The following PDLIM7 variants were observed in gnomAD, a reference collection of about 807,000 sequenced individuals.
PDLIM7 encodes the protein PDZ and LIM domain protein 7.
PDLIM7 carries 37 observed loss-of-function variants against 53.9 expected under a neutral mutation model. The observed-to-expected ratio is 0.69, with a 90% CI of 0.53 to 0.90. The LOEUF (loss-of-function observed/expected upper bound fraction) is 0.90. Ranked by LOEUF, PDLIM7 falls within the 40% of genes least tolerant of loss-of-function variation. The pLI, the probability that PDLIM7 is intolerant of heterozygous loss-of-function variation, is 0.00. For synonymous variants in PDLIM7, 300 were observed against 261.3 expected, an observed-to-expected ratio of 1.15 and a Z score of -1.43; for missense variants, 617 against 638.5, an observed-to-expected ratio of 0.97 and a Z score of 0.36.
intron 4 of PDLIM7, 188 bp from the exon 5 acceptor site, chr5:177,492,113 A>C (rs2127413908): frequency 2.2e-6 from 1 of 454,630 alleles, no homozygotes; most frequent in African/African-American, 2.2e-5. Flanking sequence ...GGGAGTGGCG[A>C]TCTCAGTCCA....
chr5:177,497,294 G>A (rs1759139680), intron 1 of PDLIM7, among the ~76,000 whole-genome samples: 1 of 152,036 alleles, frequency 6.6e-6, no homozygotes, highest in South Asian at 2.1e-4. Flanking sequence ...TTAGTCCCCC[G>A]CCCGGGCCCC....
rs369079151 is a variant in PDLIM7, at chr5:177,489,546, G to C, written c.716C>G (p.Thr239Arg). 3 of 1,610,700 alleles carry C rather than the reference G, an allele frequency of 1.9e-6. No individual in the cohort carries two copies. Among genetic ancestry groups the C allele is most frequent in the East Asian group, 4.5e-5 (2 of 44,800 alleles). ...AFAERYAPDK[T>R]STVLTRHSQP... is the part of the protein sequence containing the mutation. Reference sequence around the variant, plus strand: ...GCTGTGCCGGGTCAGCACTGTGCTCGTTTTGTCCGGGGCATAGCGCTCGGC... The same window carrying C: ...GCTGTGCCGGGTCAGCACTGTGCTCCTTTTGTCCGGGGCATAGCGCTCGGC... Residue 239 changes from threonine to arginine, a missense_variant, in exon 9 of 13, where the codon ACG (threonine) becomes AGG (arginine). By Grantham distance (71) the Thr-to-Arg change is moderately conservative. Transcript: ENST00000355841.
rs1164723453 is a variant in PDLIM7 at position 177,490,862 on chromosome 5, C to A, written c.572+8G>T. On this transcript the variant is annotated splice_region_variant and intron_variant, in intron 7 of 12. Transcript: ENST00000355841. ...AGGTGGGAGAGGGGCTGGTGCCCGT[C>A]CCTGTACCTTGATTTCTTCAGGTGC... is the stretch of plus-strand genomic sequence containing the variant. 1.2e-6 allele frequency: 2 copies of A among 1,613,900 alleles called. No individual in the cohort carries two copies. Among genetic ancestry groups the A allele is most frequent in the African/African-American group, 2.7e-5 (2 of 74,984 alleles).
chr5:177,486,764 G>A (rs531025261), intron 10 of PDLIM7, among the ~76,000 whole-genome samples: 24 of 149,248 alleles, frequency 1.6e-4, no homozygotes, highest in East Asian at 1.6e-3. Flanking sequence ...TCAGCCTCCC[G>A]AGTAGCTGGG....
At chr5:177,489,941 C>T in intron 7 of PDLIM7, 109 bp from the exon 8 acceptor site, 1 of 1,537,728 alleles carries the variant, frequency 6.5e-7, no homozygotes, top group Non-Finnish European at 8.7e-7. Context: ...GGCGTGGAAA[C>T]TGCCGAGTTG....
intron 10 of PDLIM7, among the ~76,000 whole-genome samples, chr5:177,485,524 G>C (rs1276077430): frequency 2.0e-5 from 3 of 152,238 alleles, no homozygotes; most frequent in Non-Finnish European, 4.4e-5. Context: ...CCAGCCTTGT[G>C]AGGCTGTTAT....
Position 177,489,760 on chromosome 5 carries a change from C to A in PDLIM7, c.634+11G>T. 2 of 1,537,330 alleles carry A rather than the reference C, an allele frequency of 1.3e-6. No individual in the cohort carries two copies. The highest frequency in any genetic ancestry group is 8.8e-7 in the Non-Finnish European group (1 of 1,140,298). ...CCACCCTTGCCCAGGCCCGAGCCCA[C>A]TCCCTCTCACCAGGCCAGGGCTCCT... On this transcript the variant is annotated intron_variant, in intron 8 of 12. Coordinates refer to ENST00000355841, the MANE Select transcript of PDLIM7 (RefSeq NM_005451.5).
At chr5:177,493,648 G>A (rs909913687) in intron 2 of PDLIM7, among the ~76,000 whole-genome samples, 1 of 152,240 alleles carries the variant, frequency 6.6e-6, no homozygotes, top group African/African-American at 2.4e-5. Context: ...CCCAGGCCCT[G>A]AGAGGGTGAC....
intron 7 of PDLIM7, chr5:177,490,121 C>G: frequency 6.6e-7 from 1 of 1,507,980 alleles, no homozygotes; most frequent in Non-Finnish European, 8.9e-7. Flanking sequence ...GGGCAGGGCC[C>G]CTTTGCCAGG....
intron 5 of PDLIM7, chr5:177,491,529 GTGTC>G: frequency 1.1e-6 from 1 of 905,834 alleles, no homozygotes; most frequent in Non-Finnish European, 1.8e-6. Context: ...GCGGCACTGA[GTGTC>G]TGGGGCTCAG....
intron 7 of PDLIM7, chr5:177,490,074 G>GTA (rs1561702487): frequency 6.5e-7 from 1 of 1,531,076 alleles, no homozygotes; most frequent in Non-Finnish European, 8.7e-7. Flanking sequence ...GCAGCTCCTG[G>GTA]GGTTCCCCTC....
rs780147117 is a variant in PDLIM7 at position 177,489,795 on chromosome 5, A to G, written c.610T>C (p.Ser204Pro). The stretch of plus-strand genomic sequence containing the variant: ...CCAGGCCAGGGCTCCTGGGGTGTAG[A>G]TGAGGCTGGGGCTGGGGCTTCTGTC... Reference protein sequence around the residue: ...PRTEAPAPASSTPQEPWPGPT... With the variant: ...PRTEAPAPASPTPQEPWPGPT... Residue 204 changes from serine (S) to proline (P), a missense_variant, in exon 8 of 13, where the codon TCT (serine) becomes CCT (proline). Coordinates refer to ENST00000355841, the MANE Select transcript of PDLIM7 (RefSeq NM_005451.5). The G allele has an allele frequency of 6.3e-7, 1 of 1,582,662 alleles. No homozygotes were observed. The highest frequency in any genetic ancestry group is 8.6e-7 in the Non-Finnish European group (1 of 1,166,136).
chr5:177,491,834 G>A lies in PDLIM7; in HGVS notation c.371C>T (p.Pro124Leu), dbSNP rs762349909. 2.3e-6 allele frequency: 3 copies of A among 1,287,922 alleles called. No individual in the cohort carries two copies. Among genetic ancestry groups the A allele is most frequent in the Non-Finnish European group, 3.0e-6 (3 of 1,014,396 alleles). 79.8% of individuals were successfully genotyped at this position (1,287,922 alleles called of 1,614,324 possible). The change falls in exon 5 of 13, where the codon CCC (proline) becomes CTC (leucine). Residue 124 changes from proline to leucine, a missense_variant. Pro to Leu is a moderately conservative substitution (Grantham distance 98). Transcript: ENST00000355841. ...KTARPFGAPP[P>L]ADSAPQQNGQ... ...ATTCTGCTGCGGGGCGCTGTCAGCG[G>A]GCGGGGGCGCCCCAAAGGGCCGGGC...
chr5:177,496,367 T>A (rs766712768), intron 2 of PDLIM7, 50 bp downstream of exon 2: 2 of 1,392,462 alleles, frequency 1.4e-6, no homozygotes, highest in East Asian at 5.3e-5. Flanking sequence ...TCTGGAGACC[T>A]AAGCACCGAA....
At chr5:177,492,845 T>C in intron 2 of PDLIM7, 168 bp from the exon 3 acceptor site, 2 of 655,886 alleles carry the variant, frequency 3.0e-6, no homozygotes, top group Non-Finnish European at 5.2e-6. Flanking sequence ...ACCCAGGAGG[T>C]GGTGGCGCTC....
Position 177,486,931 on chromosome 5 carries a change from C to CT in PDLIM7, c.1050+1136dup, listed in dbSNP as rs60583245. Among the ~76,000 whole-genome samples the CT allele has an allele frequency of 9.9e-4, 48 of 48,728 alleles. 8 individuals are homozygous for CT. Among genetic ancestry groups the CT allele is most frequent in the Admixed American group, 2.4e-3 (8 of 3,334 alleles). 32.0% of individuals were successfully genotyped at this position (48,728 alleles called of 152,430 possible). A position where few individuals can be genotyped will look rare whatever the true frequency, so the allele number is the denominator to read the frequency against. On this transcript the variant is annotated intron_variant, in intron 10 of 12. Transcript: ENST00000355841. Reference sequence around the variant, plus strand: ...CAGGTGTGAGCCACCGTGCCTGGCCCTTTTTTTTTTTTTTTTTTTTTTTTT... The same window carrying CT: ...CAGGTGTGAGCCACCGTGCCTGGCCCTTTTTTTTTTTTTTTTTTTTTTTTTT...
chr5:177,490,091 G>C (rs768449931), intron 7 of PDLIM7: 1 of 1,526,340 alleles, frequency 6.6e-7, no homozygotes, highest in African/African-American at 1.4e-5. Flanking sequence ...CCTCATGCCA[G>C]GAAGCCATCT....
At chr5:177,491,585 G>C in intron 5 of PDLIM7, among the ~76,000 whole-genome samples, 1 of 152,070 alleles carries the variant, frequency 6.6e-6, no homozygotes, top group South Asian at 2.1e-4. Flanking sequence ...GCCAGCAGGG[G>C]GCGCGGCGTC....
intron 5 of PDLIM7, 60 bp downstream of exon 5, chr5:177,491,747 C>G (rs952856660): frequency 3.7e-6 from 3 of 820,008 alleles, no homozygotes; most frequent in Non-Finnish European, 5.1e-6. Flanking sequence ...CAGCGGGCAG[C>G]GGGCGTGGGG....
Sources: gnomAD v4.1 joint callset for allele counts (sites outside exome capture counted in the v4.1 genomes callset) on GRCh38, gnomAD v4.1.1 for gene constraint, MANE v1.5 for transcripts, NCBI Gene and HGNC (gene_info 2026-07-23, HGNC 2026-07-21) for gene names.